RBM17: variants seen among roughly 807,000 people sequenced by gnomAD.
RBM17 encodes the protein RNA binding motif protein 17.
A neutral mutation model predicts 53.2 loss-of-function variants in RBM17; 7 were observed. The observed-to-expected ratio is 0.13, with a 90% CI of 0.07 to 0.25. RBM17 has a LOEUF of 0.25. RBM17 is among the 10% of genes least tolerant of loss of function. The probability of loss-of-function intolerance (pLI) is 1.00; values close to 1 mark genes in which losing one functional copy is unlikely to be tolerated. For missense variants in RBM17, 257 were observed against 496.7 expected, an observed-to-expected ratio of 0.52 and a Z score of 4.59; for synonymous variants, 167 against 178.1, an observed-to-expected ratio of 0.94 and a Z score of 0.50.
intron 8 of RBM17, 24 bp from the exon 9 acceptor site, chr10:6,113,484 A>C (rs755364374): frequency 6.5e-7 from 1 of 1,545,252 alleles, no homozygotes; most frequent in Non-Finnish European, 8.9e-7. Flanking sequence ...TCTGTAACAC[A>C]TCTAATGGTA....
Position 6,101,289 on chromosome 10 carries a change from A to G in RBM17, c.142A>G (p.Ser48Gly), listed in dbSNP as rs746490028. 1 of 1,601,944 alleles carries G rather than the reference A, an allele frequency of 6.2e-7. No individual in the cohort carries two copies. The highest frequency in any genetic ancestry group is 8.5e-7 in the Non-Finnish European group (1 of 1,176,518). ...TQAKSQRTKQ[S>G]TVLAPVIDLK... The stretch of plus-strand genomic sequence containing the variant: ...ATTTTAGAGCCAAAGGACGAAACAA[A>G]GTACAGTCCTCGCCCCAGTCATTGA... Residue 48 changes from serine to glycine, a missense_variant, in exon 3 of 12, where the codon AGT becomes GGT. This residue lies in a region of RBM17 where 127 missense variants were observed against 217.2 expected (regional missense o/e 0.58). Transcript: ENST00000379888.
rs398012715 is a variant in RBM17, at chr10:6,098,563, G to GTTTTTTT, written c.123+1399_123+1405dup. ...AATTTCCGTAATACACAGGTTTTTT[G>GTTTTTTT]TTTTTTTTTTTTTTTTTTTTTTTTT... On this transcript the variant is annotated intron_variant, in intron 2 of 11. Transcript: ENST00000379888. 4.2e-3 allele frequency among the ~76,000 whole-genome samples: 197 copies of GTTTTTTT among 46,616 alleles called. 5 individuals are homozygous for GTTTTTTT. The highest frequency in any genetic ancestry group is 7.9e-3 in the African/African-American group (99 of 12,570). 30.6% of individuals were successfully genotyped at this position (46,616 alleles called of 152,430 possible).
chr10:6,111,120 A>G (rs1840830226), intron 7 of RBM17, among the ~76,000 whole-genome samples: 1 of 152,192 alleles, frequency 6.6e-6, no homozygotes, highest in African/African-American at 2.4e-5. Flanking sequence ...TCAAATGAAA[A>G]TGTTAAGGGA....
chr10:6,101,376 G>A lies in RBM17; in HGVS notation c.229G>A (p.Ala77Thr). 6.2e-7 allele frequency: 1 copy of A among 1,611,382 alleles called. No homozygotes were observed. Among genetic ancestry groups the A allele is most frequent in the Non-Finnish European group, 8.5e-7 (1 of 1,178,576 alleles). The change falls in exon 3 of 12, where the codon GCT (alanine) becomes ACT (threonine). Residue 77 changes from alanine to threonine, a missense_variant. Around this residue, in one of 6 missense-constraint regions of RBM17, gnomAD observed 127 missense variants for 217.2 expected, o/e 0.58. Coordinates refer to ENST00000379888, the MANE Select transcript of RBM17 (RefSeq NM_032905.5). The stretch of plus-strand genomic sequence containing the variant: ...TGTGGACACTCCACCGCATGTAGCA[G>A]CTGGGCTGAAGGTAAGCCCGCGCCT... The part of the protein sequence containing the change: ...QIVDTPPHVA[A>T]GLKDPVPSGF...
chr10:6,093,860 C>T (rs1840527384), intron 1 of RBM17, among the ~76,000 whole-genome samples: 1 of 152,096 alleles, frequency 6.6e-6, no homozygotes, highest in Non-Finnish European at 1.5e-5. Flanking sequence ...ATACTTTCTA[C>T]ACATAGCCTG....
At chr10:6,106,113 T>TG (rs762832713) in intron 4 of RBM17, 28 bp from the exon 5 acceptor site, 1 of 1,560,448 alleles carries the variant, frequency 6.4e-7, no homozygotes, top group African/African-American at 1.4e-5. Context: ...TCATCTGTGA[T>TG]GAACATTTAT....
chr10:6,106,417 A>G (rs1471626808), intron 5 of RBM17, 179 bp downstream of exon 5: 1 of 527,942 alleles, frequency 1.9e-6, no homozygotes, highest in Middle Eastern at 5.4e-4. Flanking sequence ...GGGTTTTCAT[A>G]TGTATTTTCC....
intron 5 of RBM17, among the ~76,000 whole-genome samples, chr10:6,107,285 C>G (rs1840764096): frequency 6.6e-6 from 1 of 151,388 alleles, no homozygotes. Context: ...TCTAGCAATT[C>G]TCTTGCCTCG....
intron 5 of RBM17, 180 bp from the exon 6 acceptor site, chr10:6,108,506 A>G (rs1564568780): frequency 4.0e-6 from 2 of 493,934 alleles, no homozygotes; most frequent in Non-Finnish European, 7.3e-6. Context: ...CCACTTTTCT[A>G]CATTTTAAAT....
rs772083181 is a variant in RBM17 at position 6,112,379 on chromosome 10, C to T, written c.856+18C>T. ...AGAGAAAGGTGTGTCCCCAGGGAAG[C>T]GTGTGACTAGAGGGAAAGGACTGGC... On this transcript the variant is annotated intron_variant, in intron 8 of 11. Transcript: ENST00000379888. This position sits in a 1 kb window ranked among gnomAD's most constrained non-coding sequence, Gnocchi z 4.4. 6.2e-6 allele frequency: 10 copies of T among 1,613,300 alleles called. No homozygotes were observed. Among genetic ancestry groups the T allele is most frequent in the African/African-American group, 2.7e-5 (2 of 74,860 alleles).
chr10:6,094,020 G>T (rs1840530654), intron 1 of RBM17, among the ~76,000 whole-genome samples: 1 of 142,738 alleles, frequency 7.0e-6, no homozygotes, highest in Non-Finnish European at 1.5e-5. Context: ...TGTCACACAG[G>T]CTGGAATGCA....
intron 5 of RBM17, among the ~76,000 whole-genome samples, chr10:6,107,479 C>CTTTTT (rs71390124): frequency 0.045 from 2,555 of 56,446 alleles, 272 homozygotes; most frequent in East Asian, 0.076. Flanking sequence ...CACCCGGCCT[C>CTTTTT]TTTTTTTTTT....
rs559571236 is a variant in RBM17 at position 6,089,648 on chromosome 10, C to G, written c.-19+455C>G. On this transcript the variant is annotated intron_variant, in intron 1 of 11. Transcript: ENST00000379888. This position sits in a 1 kb window ranked among gnomAD's most constrained non-coding sequence, Gnocchi z 5.6. ...TCCCGGGGTCTCAGAACTGGGAGTG[C>G]AGACGTTGGCGTTTCTCAGACTCCG... The G allele has an allele frequency of 2.0e-4, 30 of 152,498 alleles. No homozygotes were observed. Among genetic ancestry groups the G allele is most frequent in the African/African-American group, 7.2e-4 (30 of 41,436 alleles). The allele number at this position is 152,498 out of a possible 1,614,324, so 9.4% of individuals were successfully genotyped here.
In RBM17 at chr10:6,097,183, G is replaced by A; in HGVS notation, c.118G>A (p.Ala40Thr). 1 of 1,613,938 alleles carries A rather than the reference G, an allele frequency of 6.2e-7. No individual in the cohort carries two copies. The change falls in exon 2 of 12, where the codon GCA becomes ACA. Residue 40 changes from alanine to threonine, a missense_variant. By Grantham distance (58) the Ala-to-Thr change is moderately conservative (BLOSUM62 0). Around this residue, in one of 6 missense-constraint regions of RBM17, gnomAD observed 127 missense variants for 217.2 expected, o/e 0.58. Coordinates refer to ENST00000379888, the MANE Select transcript of RBM17 (RefSeq NM_032905.5). ...LQVKKAALTQ[A>T]KSQRTKQSTV... ...GGTGAAGAAGGCAGCTCTCACTCAG[G>A]CAAAGGTAAAGACAAGCCCAGAGCA...
chr10:6,115,359 G>C, intron 11 of RBM17, 48 bp downstream of exon 11: 2 of 1,548,300 alleles, frequency 1.3e-6, no homozygotes, highest in South Asian at 2.2e-5. Context: ...TGAATTTACA[G>C]CCTTAATCTT....
intron 6 of RBM17, 125 bp downstream of exon 6, chr10:6,108,867 TCTGTCAC>T (rs1840795311): frequency 3.9e-5 from 2 of 51,120 alleles, no homozygotes; most frequent in Non-Finnish European, 9.0e-5. Context: ...CCTGCCTGGC[TCTGTCAC>T]CTGAGGCCGC....
At chr10:6,109,256 A>T (rs1483692496) in intron 6 of RBM17, among the ~76,000 whole-genome samples, 1 of 152,210 alleles carries the variant, frequency 6.6e-6, no homozygotes. Flanking sequence ...TTGGGACTGG[A>T]CTTCTGAATA....
At chr10:6,110,869 T>C (rs1840826939) in intron 7 of RBM17, among the ~76,000 whole-genome samples, 2 of 152,150 alleles carry the variant, frequency 1.3e-5, no homozygotes. Context: ...GTGGTGACGA[T>C]GTTGGATGGT....
chr10:6,098,259 G>A (rs1314555788), intron 2 of RBM17, among the ~76,000 whole-genome samples: 1 of 152,164 alleles, frequency 6.6e-6, no homozygotes, highest in African/African-American at 2.4e-5. Context: ...TGTGCACAGT[G>A]TATCTGTGGT....
Sources: gnomAD v4.1 joint callset for allele counts (sites outside exome capture counted in the v4.1 genomes callset) on GRCh38, gnomAD v4.1.1 for gene constraint, gnomAD v4.1.1 regional missense constraint, Gnocchi (gnomAD v3.1) non-coding constraint, MANE v1.5 for transcripts, NCBI Gene and HGNC (gene_info 2026-07-23, HGNC 2026-07-21) for gene names.